The following OXR1 variants were observed in gnomAD, a reference collection of about 807,000 sequenced individuals.
OXR1 encodes the protein oxidation resistance 1.
Under a neutral mutation model 104.6 loss-of-function variants are expected in OXR1, and 41 were observed. The observed-to-expected ratio is 0.39, with a 90% CI of 0.31 to 0.51. OXR1 has a LOEUF of 0.51. Among genes scored for constraint, OXR1 ranks in the 20% least tolerant of loss-of-function variants. OXR1 has a pLI of 0.77. For synonymous variants in OXR1, 348 were observed against 348.4 expected, an observed-to-expected ratio of 1.00 and a Z score of 0.01; for missense variants, 955 against 1,031.9, an observed-to-expected ratio of 0.93 and a Z score of 1.02.
Position 106,582,625 on chromosome 8 carries a change from A to G in OXR1, c.220+63486A>G, listed in dbSNP as rs145010843. The stretch of plus-strand genomic sequence containing the variant: ...CTTATTGAGTTTCTGAGCAAAGCTT[A>G]ATAATAATGAAGTTAGAGGAAAAAC... On this transcript the variant is annotated intron_variant, in intron 3 of 16. Transcript: ENST00000517566. Among the ~76,000 whole-genome samples the G allele has an allele frequency of 8.9e-3, 1,348 of 152,296 alleles. 24 individuals carry two copies. The highest frequency in any genetic ancestry group is 0.031 in the African/African-American group (1,279 of 41,558).
At chr8:106,359,199 T>A (rs1045532622) in intron 1 of OXR1, among the ~76,000 whole-genome samples, 7 of 152,104 alleles carry the variant, frequency 4.6e-5, no homozygotes, top group African/African-American at 1.7e-4. Flanking sequence ...ATTTGGTTCC[T>A]CCAAATCACA....
chr8:106,274,333 G>C (rs988811358), intron 1 of OXR1, among the ~76,000 whole-genome samples: 2 of 152,140 alleles, frequency 1.3e-5, no homozygotes, highest in African/African-American at 2.4e-5. Flanking sequence ...CACTTATTAG[G>C]TAAAAGCCTT....
intron 3 of OXR1, among the ~76,000 whole-genome samples, chr8:106,530,573 AAACCAGACACAACTGGGGGGAG>A (rs1457542825): frequency 6.6e-6 from 1 of 152,204 alleles, no homozygotes; most frequent in Non-Finnish European, 1.5e-5. Flanking sequence ...AAATAGGTAA[AAACCAGACACAACTGGGGGGAG>A]AATCTTCTAT....
At chr8:106,524,015 A>G (rs1218657906) in intron 3 of OXR1, among the ~76,000 whole-genome samples, 1 of 152,042 alleles carries the variant, frequency 6.6e-6, no homozygotes, top group Non-Finnish European at 1.5e-5. Context: ...TGACCTCGTG[A>G]TCCATCTGCC....
chr8:106,692,978 T>G (rs1829466558), intron 7 of OXR1, 101 bp downstream of exon 7: 1 of 807,638 alleles, frequency 1.2e-6, no homozygotes, highest in African/African-American at 1.7e-5. Flanking sequence ...TGTCAGAAAA[T>G]GCTTGAATAT....
rs550013888 is a variant in OXR1, at chr8:106,467,805, A to T, written c.24-51138A>T. 2.0e-5 allele frequency among the ~76,000 whole-genome samples: 3 copies of T among 152,032 alleles called. No homozygotes were observed. The South Asian group carries it at 6.2e-4, about 32-fold the overall frequency. On this transcript the variant is annotated intron_variant, in intron 2 of 16. Transcript: ENST00000517566. ...ATTCTTGTATTTCTGAACTTCAAGA[A>T]TCTAATCTTTCTTAGAGACAATGTT...
intron 2 of OXR1, among the ~76,000 whole-genome samples, chr8:106,374,340 A>G (rs1018706489): frequency 2.5e-4 from 38 of 152,036 alleles, no homozygotes; most frequent in African/African-American, 8.7e-4. Context: ...TAATGATTAC[A>G]TTTTCTTTAT....
At chr8:106,650,766 C>A (rs1295986409) in intron 3 of OXR1, among the ~76,000 whole-genome samples, 1 of 152,176 alleles carries the variant, frequency 6.6e-6, no homozygotes, top group Non-Finnish European at 1.5e-5. Flanking sequence ...GATAACTACA[C>A]ATACTTCACA....
chr8:106,726,236 G>A (rs1232398878), intron 11 of OXR1: 1 of 1,522,842 alleles, frequency 6.6e-7, no homozygotes, highest in Non-Finnish European at 8.8e-7. Flanking sequence ...ATTTGCCCTG[G>A]AAAGGAAATG....
At chr8:106,297,304 G>C (rs1179373723) in intron 1 of OXR1, among the ~76,000 whole-genome samples, 1 of 151,416 alleles carries the variant, frequency 6.6e-6, no homozygotes, top group Non-Finnish European at 1.5e-5. Context: ...TCTTGGATTA[G>C]ATAATTTTCC....
chr8:106,676,929 G>A (rs1214316493), intron 3 of OXR1, among the ~76,000 whole-genome samples: 1 of 151,982 alleles, frequency 6.6e-6, no homozygotes, highest in African/African-American at 2.4e-5. Flanking sequence ...AAACTTTAAA[G>A]TGTAGAAAGT....
At chr8:106,341,268 T>C (rs1280858580) in intron 1 of OXR1, among the ~76,000 whole-genome samples, 1 of 152,062 alleles carries the variant, frequency 6.6e-6, no homozygotes, top group Non-Finnish European at 1.5e-5. Flanking sequence ...ATAAATATGA[T>C]ATACAAATTC....
intron 1 of OXR1, among the ~76,000 whole-genome samples, chr8:106,273,373 T>G (rs761856622): frequency 3.3e-5 from 5 of 152,246 alleles, no homozygotes; most frequent in African/African-American, 4.8e-5. Flanking sequence ...GGGATAGATC[T>G]TGTTGATAGG....
chr8:106,507,888 C>T (rs1812275487), intron 2 of OXR1, among the ~76,000 whole-genome samples: 1 of 152,178 alleles, frequency 6.6e-6, no homozygotes, highest in Non-Finnish European at 1.5e-5. Flanking sequence ...TTCTTTCATT[C>T]TCCCTGACTC....
chr8:106,408,576 C>T (rs1428618107), intron 2 of OXR1, among the ~76,000 whole-genome samples: 2 of 152,202 alleles, frequency 1.3e-5, no homozygotes, highest in East Asian at 3.8e-4. Flanking sequence ...AAACTAATAT[C>T]TCACTGGTGG....
intron 1 of OXR1, among the ~76,000 whole-genome samples, chr8:106,277,328 C>T (rs986796600): frequency 6.6e-5 from 10 of 152,142 alleles, no homozygotes; most frequent in African/African-American, 2.4e-4. Context: ...TTTTAAGAAT[C>T]ATATCCACCG....
intron 14 of OXR1, among the ~76,000 whole-genome samples, chr8:106,741,806 A>C (rs1180601534): frequency 6.6e-6 from 1 of 152,154 alleles, no homozygotes; most frequent in Non-Finnish European, 1.5e-5. Flanking sequence ...ATGATAAAGA[A>C]AAAATATCAT....
chr8:106,688,672 A>G (rs1354577243), intron 6 of OXR1, among the ~76,000 whole-genome samples: 2 of 152,108 alleles, frequency 1.3e-5, no homozygotes, highest in Non-Finnish European at 2.9e-5. Context: ...TAGACTTTTA[A>G]TTAATCTTTA....
chr8:106,500,605 C>T (rs1024037528), intron 2 of OXR1, among the ~76,000 whole-genome samples: 1 of 152,108 alleles, frequency 6.6e-6, no homozygotes, highest in South Asian at 2.1e-4. Flanking sequence ...TGAATAAAGC[C>T]CTTCCTTCTA....
Sources: gnomAD v4.1 joint callset for allele counts (sites outside exome capture counted in the v4.1 genomes callset) on GRCh38, gnomAD v4.1.1 for gene constraint, MANE v1.5 for transcripts, NCBI Gene and HGNC (gene_info 2026-07-23, HGNC 2026-07-21) for gene names.